The following TOM1L1 variants were observed in gnomAD, a reference collection of about 807,000 sequenced individuals.
TOM1L1 encodes the protein target of myb1 like 1 membrane trafficking protein.
A neutral mutation model predicts 63.4 loss-of-function variants in TOM1L1; 64 were observed. The ratio of observed to expected loss-of-function variants is 1.01; its 90% CI spans 0.83 to 1.24. The LOEUF is 1.24. Ranked by LOEUF, TOM1L1 falls within the 50% of genes most tolerant of loss-of-function variation. TOM1L1 has a pLI of 0.00. For synonymous variants in TOM1L1, 166 were observed against 194.4 expected (o/e 0.85, Z 1.22); for missense variants, 536 against 567.0 (o/e 0.95, Z 0.55).
intron 7 of TOM1L1, among the ~76,000 whole-genome samples, chr17:54,918,100 G>A (rs915612833): frequency 2.0e-5 from 3 of 152,136 alleles, no homozygotes; most frequent in Non-Finnish European, 4.4e-5. Flanking sequence ...TAGGCATGGA[G>A]CACCCTTCAT....
At chr17:54,900,973 CCTTT>C in intron 1 of TOM1L1, 50 bp downstream of exon 1, 1 of 1,611,088 alleles carries the variant, frequency 6.2e-7, no homozygotes, top group Non-Finnish European at 8.5e-7. Context: ...ACCGTGGGAT[CCTTT>C]CCTGCTTGAT....
intron 3 of TOM1L1, among the ~76,000 whole-genome samples, chr17:54,907,540 C>G (rs112436546): frequency 2.6e-5 from 4 of 152,196 alleles, no homozygotes; most frequent in African/African-American, 9.6e-5. Flanking sequence ...TTAGTTTCTT[C>G]CTGTGTAGTA....
rs534939157 is a variant in TOM1L1 at position 54,904,076 on chromosome 17, G to A, written c.143+284G>A. 3.9e-5 allele frequency among the ~76,000 whole-genome samples: 6 copies of A among 152,140 alleles called. No individual in the cohort carries two copies. In the South Asian group the frequency reaches 1.2e-3, roughly 32 times the overall value. On this transcript the variant is annotated intron_variant, in intron 2 of 15. Coordinates refer to ENST00000575882, the MANE Select transcript of TOM1L1 (RefSeq NM_005486.3). ...AAGCTCAAATTCCTTCCTTCTAAAA[G>A]ATTGAAAAAGGCCGGGCGCAGTGGC...
intron 7 of TOM1L1, among the ~76,000 whole-genome samples, chr17:54,921,921 C>T (rs964501049): frequency 6.6e-6 from 1 of 152,002 alleles, no homozygotes; most frequent in African/African-American, 2.4e-5. Context: ...CATAAACAGT[C>T]GATTCACACA....
intron 3 of TOM1L1, among the ~76,000 whole-genome samples, chr17:54,909,467 G>A (rs953109503): frequency 2.0e-5 from 3 of 152,104 alleles, no homozygotes; most frequent in African/African-American, 7.2e-5. Flanking sequence ...GAAATTTACA[G>A]TGAGAAAACT....
chr17:54,930,016 T>A, intron 7 of TOM1L1, 57 bp from the exon 8 acceptor site: 1 of 1,609,076 alleles, frequency 6.2e-7, no homozygotes, highest in African/African-American at 1.3e-5. Flanking sequence ...GTGAGTCAGA[T>A]GTCTTTATAG....
intron 1 of TOM1L1, among the ~76,000 whole-genome samples, chr17:54,901,551 C>G (rs1179396942): frequency 6.6e-6 from 1 of 152,166 alleles, no homozygotes; most frequent in Non-Finnish European, 1.5e-5. Flanking sequence ...AATGATTTCT[C>G]TCTCCTCCGG....
intron 1 of TOM1L1, among the ~76,000 whole-genome samples, chr17:54,902,642 C>G (rs928652323): frequency 2.0e-5 from 3 of 152,230 alleles, no homozygotes; most frequent in African/African-American, 7.2e-5. Flanking sequence ...GGGGTTCCCC[C>G]AAGCAAGTCC....
intron 7 of TOM1L1, among the ~76,000 whole-genome samples, chr17:54,929,739 G>GTGTTT (rs1555610151): frequency 1.0e-5 from 1 of 98,458 alleles, no homozygotes; most frequent in African/African-American, 3.3e-5. Context: ...TAAAAAACAT[G>GTGTTT]TGTTTTTTTT....
chr17:54,906,988 T>G (rs1244140715), intron 3 of TOM1L1, among the ~76,000 whole-genome samples: 1 of 152,240 alleles, frequency 6.6e-6, no homozygotes, highest in Non-Finnish European at 1.5e-5. Context: ...GGGGCATATG[T>G]GAGCATAGCT....
chr17:54,932,776 G>A (rs1339041324), intron 8 of TOM1L1, among the ~76,000 whole-genome samples: 1 of 152,152 alleles, frequency 6.6e-6, no homozygotes, highest in African/African-American at 2.4e-5. Flanking sequence ...CTTGTTTTCT[G>A]TGGAACAAAT....
At chr17:54,915,958 A>G in intron 7 of TOM1L1, 96 bp downstream of exon 7, 1 of 819,718 alleles carries the variant, frequency 1.2e-6, no homozygotes, top group African/African-American at 1.7e-5. Context: ...AATATTGTCT[A>G]GTACATCCTC....
intron 8 of TOM1L1, among the ~76,000 whole-genome samples, chr17:54,931,472 T>C (rs1354369276): frequency 2.0e-5 from 3 of 152,160 alleles, no homozygotes; most frequent in Non-Finnish European, 4.4e-5. Context: ...TTCCCACTTA[T>C]CATGAGTGAA....
rs1187699723 is a variant in TOM1L1, at chr17:54,914,741, C to G, written c.601C>G (p.Gln201Glu). 7 of 1,598,894 alleles carry G rather than the reference C, an allele frequency of 4.4e-6. No homozygotes were observed. Among genetic ancestry groups the G allele is most frequent in the East Asian group, 2.2e-5 (1 of 44,798 alleles). The stretch of plus-strand genomic sequence containing the variant: ...CTCGACTGTTACATTGGTCCCAGAA[C>G]AGGTAACAACAACAATCATTGCATT... ...KNSTVTLVPE[Q>E]IGKLHSELDM... Residue 201 changes from glutamine (Q) to glutamate (E), a missense_variant and splice_region_variant, in exon 6 of 16, where the codon CAG becomes GAG. By Grantham distance (29) the Gln-to-Glu change is conservative (BLOSUM62 2). Transcript: ENST00000575882.
rs1235043198 is a variant in TOM1L1, at chr17:54,961,404, C to G, written c.*171C>G. On this transcript the variant is annotated 3_prime_UTR_variant, in exon 16 of 16. Transcript: ENST00000575882. Reference sequence around the variant, plus strand: ...ATAGAATAACAGTTCCAGGATAACACTGATTCCTGACAACAGCGTGAGATT... The same window carrying G: ...ATAGAATAACAGTTCCAGGATAACAGTGATTCCTGACAACAGCGTGAGATT... 1 of 1,538,718 alleles carries G rather than the reference C, an allele frequency of 6.5e-7. No individual in the cohort carries two copies. The highest frequency in any genetic ancestry group is 1.4e-5 in the African/African-American group (1 of 72,416).
intron 2 of TOM1L1, among the ~76,000 whole-genome samples, 163 bp from the exon 3 acceptor site, chr17:54,905,326 G>A (rs1028088989): frequency 6.6e-6 from 1 of 152,202 alleles, no homozygotes; most frequent in Non-Finnish European, 1.5e-5. Flanking sequence ...AGAAATTTAG[G>A]TTCAAGAAGT....
chr17:54,926,648 A>C (rs1197002014), intron 7 of TOM1L1, among the ~76,000 whole-genome samples: 1 of 151,972 alleles, frequency 6.6e-6, no homozygotes, highest in East Asian at 1.9e-4. Context: ...GTTGAAAAAA[A>C]AAAAAAATCC....
rs118102659 is a variant in TOM1L1 at position 54,905,311 on chromosome 17, C to T, written c.144-178C>T. Among the ~76,000 whole-genome samples, 1,394 of 152,228 alleles carry T rather than the reference C, an allele frequency of 9.2e-3. 14 individuals are homozygous for T. The highest frequency in any genetic ancestry group is 0.034 in the Middle Eastern group (10 of 294). ...TTAGGTGGTATTGTCTGCCTGTATG[C>T]GTGAAGAAATTTAGGTTCAAGAAGT... On this transcript the variant is annotated intron_variant, in intron 2 of 15. Coordinates refer to ENST00000575882, the MANE Select transcript of TOM1L1 (RefSeq NM_005486.3).
chr17:54,945,542 C>A (rs2049103970), intron 11 of TOM1L1, among the ~76,000 whole-genome samples: 1 of 152,086 alleles, frequency 6.6e-6, no homozygotes, highest in South Asian at 2.1e-4. Context: ...GTTTGGGGTC[C>A]TGTTTGTTTG....
Sources: gnomAD v4.1 joint callset for allele counts (sites outside exome capture counted in the v4.1 genomes callset) on GRCh38, gnomAD v4.1.1 for gene constraint, MANE v1.5 for transcripts, NCBI Gene and HGNC (gene_info 2026-07-23, HGNC 2026-07-21) for gene names.